Variants in CAPN6 observed in about 807,000 individuals in gnomAD.
CAPN6 encodes calpain 6.
In CAPN6, 16 loss-of-function variants were observed where a neutral mutation model predicts 46.0. That is an observed-to-expected ratio of 0.35 (90% CI 0.24 to 0.53). The LOEUF is 0.53. CAPN6 is among the 20% of genes least tolerant of loss of function. The pLI is 0.94. For synonymous variants in CAPN6, 206 were observed against 172.8 expected, an observed-to-expected ratio of 1.19 and a Z score of -1.51; for missense variants, 461 against 498.0, an observed-to-expected ratio of 0.93 and a Z score of 0.71.
At chrX:111,268,563 A>C (rs1569481879) in intron 1 of CAPN6, among the ~76,000 whole-genome samples, 1 of 112,835 alleles carries the variant, frequency 8.9e-6, no homozygotes, top group Non-Finnish European at 1.9e-5. Flanking sequence ...AGGGGAAACT[A>C]ATGAAATTTG....
At chrX:111,248,822 T>C in intron 9 of CAPN6, 51 bp from the exon 10 acceptor site, 1 of 1,185,054 alleles carries the variant, frequency 8.4e-7, no homozygotes, top group Non-Finnish European at 1.1e-6. Flanking sequence ...TCATGGTTTT[T>C]GTATGCTCTG....
At position 111,251,725 on chromosome X, in the gene CAPN6, C is replaced by T; in HGVS notation, c.717G>A (p.Glu239=). 8.3e-7 allele frequency: 1 copy of T among 1,206,885 alleles called. No individual in the cohort carries two copies. The highest frequency in any genetic ancestry group is 1.1e-6 in the Non-Finnish European group (1 of 891,875). Residue 239 remains glutamate (E), a synonymous_variant, in exon 6 of 13, where the codon GAG becomes GAA. Transcript: ENST00000324068. The part of the protein sequence containing the change: ...CCSIESPNQE[E]QEVETDWGLL... ...GACCCCAATCAGTTTCAACTTCTTG[C>T]TCCTCCTGATTGGGAGACTGAGAGC...
chrX:111,263,839 A>G lies in CAPN6; in HGVS notation c.98T>C (p.Leu33Pro), dbSNP rs368730963. ...GTAGAAAAGAGAATCATTCTCAGGCAGAAATGTTGGATCACAGAAAAGTCT... is the reference window on the plus strand; with the variant it reads ...GTAGAAAAGAGAATCATTCTCAGGCGGAAATGTTGGATCACAGAAAAGTCT... ...DSRLFCDPTF[L>P]PENDSLFYNR... Residue 33 changes from leucine (L) to proline (P), a missense_variant, in exon 2 of 13, where the codon CTG (leucine) becomes CCG (proline). Coordinates refer to ENST00000324068, the MANE Select transcript of CAPN6 (RefSeq NM_014289.4). The G allele has an allele frequency of 8.3e-6, 10 of 1,207,228 alleles. No individual in the cohort carries two copies. Among genetic ancestry groups the G allele is most frequent in the Non-Finnish European group, 1.1e-5 (10 of 893,470 alleles).
intron 2 of CAPN6, among the ~76,000 whole-genome samples, chrX:111,256,093 A>T (rs17882985): frequency 9.0e-6 from 1 of 111,600 alleles, no homozygotes; most frequent in East Asian, 2.8e-4. Flanking sequence ...TTTGAGCAAG[A>T]TGTCAAAGTA....
Position 111,251,064 on chromosome X carries a change from C to CT in CAPN6, c.1010_1011insA (p.Asn338GlufsTer27), listed in dbSNP as rs1302892053. The CT allele has an allele frequency of 8.3e-7, 1 of 1,209,025 alleles. No individual in the cohort carries two copies. The highest frequency in any genetic ancestry group is 1.1e-6 in the Non-Finnish European group (1 of 895,102). On this transcript the variant is annotated frameshift_variant, in exon 8 of 13. Transcript: ENST00000324068. LOFTEE classifies it high-confidence loss of function. ...GGTTGTTCACATTGCGGCAGACATT[C>CT]AGTTTGTGAAAGTTGCGGCAAAAGT...
Position 111,251,200 on chromosome X carries a change from C to T in CAPN6, c.971+9G>A, listed in dbSNP as rs190584892. 1.2e-5 allele frequency: 15 copies of T among 1,206,914 alleles called. No homozygotes were observed. The East Asian group carries it at 2.7e-4, about 21-fold the overall frequency. On this transcript the variant is annotated intron_variant, in intron 7 of 12. Coordinates refer to ENST00000324068, the MANE Select transcript of CAPN6 (RefSeq NM_014289.4). ...CCCCAATTCCCTTAGTGCAGAAACC[C>T]CTCCTCACCAAAACTCTCCATCATC...
rs1035507245 is a variant in CAPN6 at position 111,248,642 on chromosome X, G to A, written c.1411C>T (p.Pro471Ser). The A allele has an allele frequency of 8.3e-7, 1 of 1,207,774 alleles. No individual in the cohort carries two copies. Among genetic ancestry groups the A allele is most frequent in the Non-Finnish European group, 1.1e-6 (1 of 894,424 alleles). ...GTGCGACCATGCTGGAACATGGTTG[G>A]GACAAGCACATAGTTGCCCTTCTTC... The part of the protein sequence containing the change: ...YLKKGNYVLV[P>S]TMFQHGRTSE... The change falls in exon 10 of 13, where the codon CCA becomes TCA. Residue 471 changes from proline to serine, a missense_variant. Pro to Ser is a moderately conservative substitution (Grantham distance 74). Coordinates refer to ENST00000324068, the MANE Select transcript of CAPN6 (RefSeq NM_014289.4).
intron 1 of CAPN6, 62 bp from the exon 2 acceptor site, chrX:111,264,013 T>C (rs1603409208): frequency 2.6e-6 from 2 of 770,621 alleles, no homozygotes; most frequent in Non-Finnish European, 3.7e-6. Context: ...AAGGGTTACC[T>C]GAGATTAGAC....
intron 2 of CAPN6, among the ~76,000 whole-genome samples, chrX:111,255,537 T>G (rs2094983048): frequency 8.8e-6 from 1 of 113,052 alleles, no homozygotes; most frequent in Non-Finnish European, 1.9e-5. Flanking sequence ...TACCTTGACA[T>G]TCTGCTTACG....
At chrX:111,265,593 C>T (rs2094991171) in intron 1 of CAPN6, among the ~76,000 whole-genome samples, 1 of 111,748 alleles carries the variant, frequency 8.9e-6, no homozygotes, top group South Asian at 3.8e-4. Context: ...GAATGTTTGC[C>T]CAGACTCCTT....
chrX:111,248,702 T>C lies in CAPN6; in HGVS notation c.1351A>G (p.Ile451Val). 1.7e-6 allele frequency: 2 copies of C among 1,210,828 alleles called. No individual in the cohort carries two copies. Among genetic ancestry groups the C allele is most frequent in the Non-Finnish European group, 2.2e-6 (2 of 895,177 alleles). ...CTCAGAAACACTGTGCGGGTGTCAA[T>C]ATAGGTGGAAGTCCCAGCACGCTCC... ...IQERAGTSTY[I>V]DTRTVFLSKY... The change falls in exon 10 of 13, where the codon ATT (isoleucine) becomes GTT (valine). Residue 451 changes from isoleucine to valine, a missense_variant. By Grantham distance (29) the Ile-to-Val change is conservative (BLOSUM62 3). Transcript: ENST00000324068.
rs1393667292 is a variant in CAPN6, at chrX:111,245,259, CT to C, written c.*1317del. 8.9e-6 allele frequency: 1 copy of C among 111,778 alleles called. No homozygotes were observed. The highest frequency in any genetic ancestry group is 3.3e-5 in the African/African-American group (1 of 30,611). The allele number at this position is 111,778 out of a possible 1,213,427, so 9.2% of individuals were successfully genotyped here. A position where few individuals can be genotyped will look rare whatever the true frequency, so the allele number is the denominator to read the frequency against. On this transcript the variant is annotated 3_prime_UTR_variant, in exon 13 of 13. Coordinates refer to ENST00000324068, the MANE Select transcript of CAPN6 (RefSeq NM_014289.4). ...TAGGCTAAGTACTACAACTATGTTT[CT>C]TTTTCATCATTGCAGAAGCGTTGAA...
intron 2 of CAPN6, among the ~76,000 whole-genome samples, chrX:111,256,185 G>A (rs959063024): frequency 1.8e-5 from 2 of 111,378 alleles, no homozygotes; most frequent in Non-Finnish European, 3.8e-5. Context: ...GATCACCTGA[G>A]GTCAGAAGTT....
intron 12 of CAPN6, among the ~76,000 whole-genome samples, chrX:111,246,965 G>T (rs17885381): frequency 1.8e-5 from 2 of 112,006 alleles, no homozygotes; most frequent in Admixed American, 9.5e-5. Flanking sequence ...TCTCCGGGTC[G>T]TTCTTGACCT....
chrX:111,246,398 G>A lies in CAPN6; in HGVS notation c.*179C>T. On this transcript the variant is annotated 3_prime_UTR_variant, in exon 13 of 13. Transcript: ENST00000324068. ...ATGTCCAGCTGCTGGAGGTATATAG[G>A]TTATGTAGCTACAGATGCTACTTGG... 1 of 450,838 alleles carries A rather than the reference G, an allele frequency of 2.2e-6. No homozygotes were observed. Among genetic ancestry groups the A allele is most frequent in the East Asian group, 3.7e-5 (1 of 26,724 alleles). 37.2% of individuals were successfully genotyped at this position (450,838 alleles called of 1,213,427 possible). A position where few individuals can be genotyped will look rare whatever the true frequency, so the allele number is the denominator to read the frequency against.
At position 111,270,402 on chromosome X, in the gene CAPN6, C is replaced by CCGT; in HGVS notation, c.-48_-47insACG. On this transcript the variant is annotated 5_prime_UTR_variant, in exon 1 of 13. Transcript: ENST00000324068. ...TATCCCAGGAGCCCTGCTGCTGCTG[C>CCGT]TGCTGCTGCTGCTGCTGCTGCTGCC... The CCGT allele has an allele frequency of 2.9e-6, 1 of 350,096 alleles. No individual in the cohort carries two copies. The highest frequency in any genetic ancestry group is 4.7e-4 in the Middle Eastern group (1 of 2,136). 28.9% of individuals were successfully genotyped at this position (350,096 alleles called of 1,213,427 possible).
chrX:111,256,921 G>A (rs916156320), intron 2 of CAPN6, among the ~76,000 whole-genome samples: 59 of 105,267 alleles, frequency 5.6e-4, no homozygotes, highest in African/African-American at 1.8e-3. Context: ...CTTTTCATAC[G>A]TGATGGCTAT....
chrX:111,251,355 A>G, intron 6 of CAPN6, 69 bp from the exon 7 acceptor site: 2 of 1,047,914 alleles, frequency 1.9e-6, no homozygotes, highest in South Asian at 4.1e-5. Context: ...TGTAGTAAGT[A>G]GGATGCCAGA....
intron 1 of CAPN6, among the ~76,000 whole-genome samples, chrX:111,268,153 C>A (rs918808088): frequency 9.0e-6 from 1 of 111,506 alleles, no homozygotes; most frequent in Non-Finnish European, 1.9e-5. Context: ...TCTGATCCAG[C>A]CCACTGCCTT....
Sources: gnomAD v4.1 joint callset for allele counts (sites outside exome capture counted in the v4.1 genomes callset) on GRCh38, gnomAD v4.1.1 for gene constraint, MANE v1.5 for transcripts, NCBI Gene and HGNC (gene_info 2026-07-23, HGNC 2026-07-21) for gene names.